Variants in ANK3 observed in about 807,000 individuals in gnomAD.
ANK3 encodes the protein ankyrin-3.
ANK3 carries 57 observed loss-of-function variants against 370.9 expected under a neutral mutation model. That is an observed-to-expected ratio of 0.15 (90% CI 0.12 to 0.19). The LOEUF (loss-of-function observed/expected upper bound fraction) is 0.19. ANK3 is among the 10% of genes least tolerant of loss of function. ANK3 has a pLI of 1.00. For synonymous variants in ANK3, 1,929 were observed against 1,946.3 expected (o/e 0.99, Z 0.23); for missense variants, 4,439 against 5,302.1 (o/e 0.84, Z 5.06).
chr10:60,172,250 A>T, intron 21 of ANK3, 58 bp downstream of exon 21: 1 of 1,402,960 alleles, frequency 7.1e-7, no homozygotes, highest in East Asian at 2.3e-5. Flanking sequence ...AGAAAAACCC[A>T]AGAAAACTGG....
chr10:60,356,537 A>G (rs1166177148), intron 1 of ANK3, among the ~76,000 whole-genome samples: 2 of 152,172 alleles, frequency 1.3e-5, no homozygotes, highest in African/African-American at 4.8e-5. Context: ...CCAACTGTGC[A>G]GTAGCTGGAG....
chr10:60,308,144 T>C (rs566143254), intron 1 of ANK3, among the ~76,000 whole-genome samples: 111 of 152,328 alleles, frequency 7.3e-4, no homozygotes, highest in Middle Eastern at 6.8e-3. Context: ...CCAATTAATC[T>C]AGATTGACTG....
chr10:60,410,841 T>G (rs867460846), intron 2 of ANK3, among the ~76,000 whole-genome samples: 1 of 152,064 alleles, frequency 6.6e-6, no homozygotes, highest in African/African-American at 2.4e-5. Context: ...AATTTTTTTT[T>G]TTTCATTTTT....
chr10:60,119,824 G>A (rs999961488), intron 25 of ANK3, among the ~76,000 whole-genome samples: 1 of 152,056 alleles, frequency 6.6e-6, no homozygotes, highest in African/African-American at 2.4e-5. Context: ...GAGATTCCAT[G>A]TTCATGGATT....
chr10:60,134,356 G>A lies in ANK3; in HGVS notation c.2756C>T (p.Ser919Leu), dbSNP rs775705277. Reference protein sequence around the residue: ...ARSASLRSFSSDRSYTLNRSS... With the variant: ...ARSASLRSFSLDRSYTLNRSS... ...TCTGTTCAAGGTGTAAGACCTATCC[G>A]AACTGAAGGAGCGGAGGCTGTTGTA... Residue 919 changes from serine (S) to leucine (L), a missense_variant, in exon 25 of 44, where the codon TCG (serine) becomes TTG (leucine). This residue lies in a region of ANK3 where 702 missense variants were observed against 941.5 expected (regional missense o/e 0.75). Coordinates refer to ENST00000280772, the MANE Select transcript of ANK3 (RefSeq NM_020987.5). 1.3e-5 allele frequency: 21 copies of A among 1,613,112 alleles called. No homozygotes were observed. Among genetic ancestry groups the A allele is most frequent in the Admixed American group, 5.0e-5 (3 of 59,862 alleles).
At position 60,288,889 on chromosome 10, in the gene ANK3, A is replaced by AACACACACACACACAC. The variant is rs35560146; in HGVS notation, c.115-9266_115-9251dup. Among the ~76,000 whole-genome samples, 724 of 139,306 alleles carry AACACACACACACACAC rather than the reference A, an allele frequency of 5.2e-3. 8 individuals carry two copies. The highest frequency in any genetic ancestry group is 0.016 in the African/African-American group (584 of 36,506). 91.4% of individuals were successfully genotyped at this position (139,306 alleles called of 152,430 possible). ...CCTCAAGGATCTCCCAGGTAGGAAT[A>AACACACACACACACAC]ACACACACACACACACACACACACA... On this transcript the variant is annotated intron_variant, in intron 1 of 43. Coordinates refer to ENST00000280772, the MANE Select transcript of ANK3 (RefSeq NM_020987.5).
chr10:60,115,062 C>T (rs1380773867), intron 25 of ANK3, among the ~76,000 whole-genome samples: 1 of 152,178 alleles, frequency 6.6e-6, no homozygotes, highest in Non-Finnish European at 1.5e-5. Flanking sequence ...TGCTGAATTC[C>T]GAAGCTGTGC....
At chr10:60,427,830 T>C (rs2063923755) in intron 2 of ANK3, among the ~76,000 whole-genome samples, 1 of 152,190 alleles carries the variant, frequency 6.6e-6, no homozygotes, top group Non-Finnish European at 1.5e-5. Flanking sequence ...GGCTTTGATG[T>C]AGAGCTAGAC....
intron 2 of ANK3, among the ~76,000 whole-genome samples, chr10:60,493,509 T>C (rs1386254433): frequency 6.6e-6 from 1 of 152,040 alleles, no homozygotes. Flanking sequence ...ACCCTTAGGG[T>C]TGTAGTTTAA....
chr10:60,131,793 G>C (rs952350405), intron 25 of ANK3, among the ~76,000 whole-genome samples: 10 of 152,168 alleles, frequency 6.6e-5, no homozygotes, highest in African/African-American at 2.4e-4. Context: ...AGCAGTGGTG[G>C]AGGTGACAGT....
At chr10:60,063,386 T>A in intron 39 of ANK3, 132 bp from the exon 40 acceptor site, 1 of 848,202 alleles carries the variant, frequency 1.2e-6, no homozygotes. Flanking sequence ...CTCTGCAATC[T>A]CCCTATCCAG....
At chr10:60,361,826 T>A (rs1179233109) in intron 1 of ANK3, among the ~76,000 whole-genome samples, 2 of 152,226 alleles carry the variant, frequency 1.3e-5, no homozygotes, top group African/African-American at 4.8e-5. Context: ...TGAAGTTTTG[T>A]ACATAGTTCT....
chr10:60,139,260 G>A, intron 23 of ANK3, 173 bp from the exon 24 acceptor site: 2 of 658,824 alleles, frequency 3.0e-6, no homozygotes, highest in Middle Eastern at 4.1e-4. Flanking sequence ...TATAGGTAAA[G>A]GTTAGTACAC....
At chr10:60,274,001 G>A (rs918580976) in intron 4 of ANK3, among the ~76,000 whole-genome samples, 1 of 152,156 alleles carries the variant, frequency 6.6e-6, no homozygotes, top group Non-Finnish European at 1.5e-5. Flanking sequence ...TACAGATAGG[G>A]TCTTGCTCTT....
chr10:60,088,387 T>C lies in ANK3; in HGVS notation c.3329-29A>G, dbSNP rs759253041. 1.3e-5 allele frequency: 20 copies of C among 1,588,082 alleles called. No homozygotes were observed. The East Asian group carries it at 2.7e-4, about 21-fold the overall frequency. On this transcript the variant is annotated intron_variant, in intron 28 of 43. Coordinates refer to ENST00000280772, the MANE Select transcript of ANK3 (RefSeq NM_020987.5). ...AAAAGACAAATGAAAGAAAATGCCA[T>C]GAGAATAAGCATATCTACAACATAC... is the stretch of plus-strand genomic sequence containing the variant.
chr10:60,314,263 A>G (rs1009952182), intron 1 of ANK3, among the ~76,000 whole-genome samples: 6 of 152,210 alleles, frequency 3.9e-5, no homozygotes, highest in Admixed American at 3.3e-4. Context: ...CGGACAATAT[A>G]TTCCAGGCAC....
At chr10:60,112,229 A>T (rs1381245842) in intron 26 of ANK3, among the ~76,000 whole-genome samples, 2 of 151,850 alleles carry the variant, frequency 1.3e-5, no homozygotes, top group African/African-American at 4.8e-5. Context: ...TTTGTAGAGA[A>T]TACAAAGTGA....
At chr10:60,131,315 A>G (rs908242786) in intron 25 of ANK3, among the ~76,000 whole-genome samples, 2 of 152,166 alleles carry the variant, frequency 1.3e-5, no homozygotes, top group African/African-American at 4.8e-5. Context: ...CATGGATCTG[A>G]GTAGTGTTAT....
chr10:60,159,194 C>T (rs986055434), intron 23 of ANK3, among the ~76,000 whole-genome samples: 1 of 151,986 alleles, frequency 6.6e-6, no homozygotes, highest in Admixed American at 6.5e-5. Flanking sequence ...CTATAAGAAA[C>T]TCACTTTACC....
Sources: allele counts gnomAD v4.1 joint callset (sites outside exome capture counted in the v4.1 genomes callset), GRCh38; gene constraint gnomAD v4.1.1; regional missense constraint gnomAD v4.1.1; transcripts MANE v1.5; gene names NCBI Gene and HGNC (gene_info 2026-07-23, HGNC 2026-07-21).